The following ADARB1 variants were observed in gnomAD, a reference collection of about 807,000 sequenced individuals.
The protein encoded by ADARB1 is adenosine deaminase RNA specific B1.
Under a neutral mutation model 52.4 loss-of-function variants are expected in ADARB1, and 10 were observed. The ratio of observed to expected loss-of-function variants is 0.19; its 90% CI spans 0.12 to 0.32. ADARB1 has a LOEUF of 0.32. Among genes scored for constraint, ADARB1 ranks in the 10% least tolerant of loss-of-function variants. The pLI, the probability that ADARB1 is intolerant of heterozygous loss-of-function variation, is 1.00. For synonymous variants in ADARB1, 349 were observed against 371.1 expected (o/e 0.94, Z 0.68); for missense variants, 643 against 922.3 (o/e 0.70, Z 3.92).
At chr21:45,111,982 C>T (rs2145757279) in intron 1 of ADARB1, among the ~76,000 whole-genome samples, 1 of 152,352 alleles carries the variant, frequency 6.6e-6, no homozygotes, top group Admixed American at 6.5e-5. Flanking sequence ...CCCCATGTGG[C>T]ATCAACTGCT....
intron 8 of ADARB1, among the ~76,000 whole-genome samples, chr21:45,201,503 G>C (rs761008999): frequency 2.6e-5 from 4 of 152,174 alleles, no homozygotes; most frequent in Non-Finnish European, 4.4e-5. Context: ...AGGGGCCTGT[G>C]TTTCTTAGAG....
intron 9 of ADARB1, among the ~76,000 whole-genome samples, chr21:45,211,303 CTCAG>C (rs1186749485): frequency 1.3e-5 from 2 of 152,224 alleles, no homozygotes; most frequent in Non-Finnish European, 2.9e-5. Context: ...CCCAGAGGGG[CTCAG>C]AGGCTCCCTC....
intron 2 of ADARB1, among the ~76,000 whole-genome samples, chr21:45,168,381 A>C (rs141357569): frequency 6.6e-6 from 1 of 152,134 alleles, no homozygotes; most frequent in Non-Finnish European, 1.5e-5. Flanking sequence ...GAAGTCTAAA[A>C]ACTCTTTGCC....
intron 2 of ADARB1, among the ~76,000 whole-genome samples, chr21:45,129,141 A>C (rs2088776472): frequency 6.6e-6 from 1 of 152,046 alleles, no homozygotes; most frequent in Non-Finnish European, 1.5e-5. Flanking sequence ...AGGCAGGAGA[A>C]TCGCTTGAAC....
At chr21:45,213,725 T>C (rs886561490) in intron 9 of ADARB1, among the ~76,000 whole-genome samples, 1 of 152,238 alleles carries the variant, frequency 6.6e-6, no homozygotes, top group African/African-American at 2.4e-5. Flanking sequence ...GGTTTATCCA[T>C]AGTTCATTCC....
chr21:45,147,358 G>A (rs1325342153), intron 2 of ADARB1, among the ~76,000 whole-genome samples: 2 of 152,146 alleles, frequency 1.3e-5, no homozygotes, highest in Admixed American at 1.3e-4. Context: ...GTGGTTTCTT[G>A]GTTCTAATCC....
intron 2 of ADARB1, among the ~76,000 whole-genome samples, chr21:45,162,109 A>G (rs2091002844): frequency 6.6e-6 from 1 of 152,088 alleles, no homozygotes; most frequent in South Asian, 2.1e-4. Context: ...CAATGAGGAG[A>G]GGAGGAGAGA....
intron 2 of ADARB1, among the ~76,000 whole-genome samples, chr21:45,134,545 C>T (rs1200292943): frequency 6.6e-6 from 1 of 152,028 alleles, no homozygotes; most frequent in Non-Finnish European, 1.5e-5. Context: ...GGTGTGTGCA[C>T]CTGGCAGAGG....
In ADARB1 at chr21:45,109,315, C is replaced by T. The variant is rs544882229; in HGVS notation, c.-219-19087C>T. 6.6e-5 allele frequency among the ~76,000 whole-genome samples: 10 copies of T among 152,052 alleles called. No individual in the cohort carries two copies. The South Asian group carries it at 1.0e-3, about 16-fold the overall frequency. ...GCATATATGTGTGTGCACGTGTGTG[C>T]GCGCGTGTGCGTATATGTGTGTGCA... is the stretch of plus-strand genomic sequence containing the variant. On this transcript the variant is annotated intron_variant, in intron 1 of 10. Coordinates refer to ENST00000348831, the MANE Select transcript of ADARB1 (RefSeq NM_001112.4).
intron 2 of ADARB1, among the ~76,000 whole-genome samples, chr21:45,167,870 T>A (rs915913341): frequency 6.6e-5 from 10 of 152,320 alleles, no homozygotes; most frequent in South Asian, 2.1e-4. Context: ...AATTGCTGAG[T>A]CATGTGGTAG....
At position 45,142,212 on chromosome 21, in the gene ADARB1, C is replaced by T. The variant is rs919727564; in HGVS notation, c.-48+13639C>T. On this transcript the variant is annotated intron_variant, in intron 2 of 10. Transcript: ENST00000348831. This position sits in a 1 kb window ranked among gnomAD's most constrained non-coding sequence, Gnocchi z 4.0. Reference sequence around the variant, plus strand: ...TTAAGGTCGCTCAATTCAAGTGTCTCCTTTTTTTGGGCTCCTGCCTTCTTT... The same window carrying T: ...TTAAGGTCGCTCAATTCAAGTGTCTTCTTTTTTTGGGCTCCTGCCTTCTTT... 2.6e-4 allele frequency among the ~76,000 whole-genome samples: 39 copies of T among 152,242 alleles called. No homozygotes were observed. Among genetic ancestry groups the T allele is most frequent in the African/African-American group, 8.9e-4 (37 of 41,460 alleles).
chr21:45,178,782 A>G (rs1194628121), intron 4 of ADARB1, among the ~76,000 whole-genome samples: 15 of 152,034 alleles, frequency 9.9e-5, no homozygotes, highest in Admixed American at 7.9e-4. Context: ...CTGTCCCCCA[A>G]ATTAAGAGGG....
intron 2 of ADARB1, among the ~76,000 whole-genome samples, chr21:45,138,044 CCCT>C (rs2089491226): frequency 6.6e-6 from 1 of 152,124 alleles, no homozygotes; most frequent in Non-Finnish European, 1.5e-5. Flanking sequence ...ATAGCTCTTG[CCCT>C]CCTCAGTGGC....
intron 1 of ADARB1, among the ~76,000 whole-genome samples, chr21:45,079,972 A>C (rs576519129): frequency 6.6e-6 from 1 of 152,178 alleles, no homozygotes; most frequent in African/African-American, 2.4e-5. Context: ...AACGCCATTG[A>C]AAAGGACTCT....
At chr21:45,096,722 C>A (rs1483482773) in intron 1 of ADARB1, among the ~76,000 whole-genome samples, 1 of 152,204 alleles carries the variant, frequency 6.6e-6, no homozygotes, top group Non-Finnish European at 1.5e-5. Flanking sequence ...GGGAAGCCAG[C>A]TTGGGCTTCG....
intron 8 of ADARB1, among the ~76,000 whole-genome samples, chr21:45,194,040 A>G (rs1218921831): frequency 6.6e-6 from 1 of 152,256 alleles, no homozygotes; most frequent in African/African-American, 2.4e-5. Context: ...CAAAAGGAAG[A>G]ACAAAGTAAA....
chr21:45,146,488 G>A (rs1480353330), intron 2 of ADARB1, among the ~76,000 whole-genome samples: 4 of 152,218 alleles, frequency 2.6e-5, no homozygotes, highest in African/African-American at 9.7e-5. Flanking sequence ...GCTAGAGCTG[G>A]CAGGACACAG....
chr21:45,192,590 A>G (rs139843036), intron 8 of ADARB1, among the ~76,000 whole-genome samples: 2 of 152,306 alleles, frequency 1.3e-5, no homozygotes, highest in South Asian at 2.1e-4. Flanking sequence ...CCACCGGGCT[A>G]TAAGAAGCTG....
At chr21:45,148,738 T>C (rs1030987370) in intron 2 of ADARB1, among the ~76,000 whole-genome samples, 4 of 152,178 alleles carry the variant, frequency 2.6e-5, no homozygotes, top group East Asian at 3.8e-4. Context: ...TCGGCTTTGC[T>C]CTAACATCCG....
Sources: gnomAD v4.1 joint callset for allele counts (sites outside exome capture counted in the v4.1 genomes callset) on GRCh38, gnomAD v4.1.1 for gene constraint, Gnocchi (gnomAD v3.1) non-coding constraint, MANE v1.5 for transcripts, NCBI Gene and HGNC (gene_info 2026-07-23, HGNC 2026-07-21) for gene names.